Variants in ATRNL1 observed in about 807,000 individuals in gnomAD.
ATRNL1 encodes attractin like 1.
In ATRNL1, 95 loss-of-function variants were observed where a neutral mutation model predicts 182.7. The ratio of observed to expected loss-of-function variants is 0.52; its 90% CI spans 0.44 to 0.62. The LOEUF (loss-of-function observed/expected upper bound fraction) is 0.62, where lower values mean the gene tolerates loss of function less well. ATRNL1 is among the 20% of genes least tolerant of loss of function. The pLI is 0.00. For missense variants in ATRNL1, 1,471 were observed against 1,679.5 expected, an observed-to-expected ratio of 0.88 and a Z score of 2.17; for synonymous variants, 576 against 568.3, an observed-to-expected ratio of 1.01 and a Z score of -0.19.
intron 27 of ATRNL1, among the ~76,000 whole-genome samples, chr10:115,758,635 C>A (rs1386894479): frequency 2.6e-5 from 4 of 152,224 alleles, no homozygotes; most frequent in African/African-American, 4.8e-5. Context: ...GGCAGTCTGT[C>A]CCTTATCAGA....
chr10:115,654,059 C>G (rs1176811822), intron 26 of ATRNL1, among the ~76,000 whole-genome samples: 1 of 152,084 alleles, frequency 6.6e-6, no homozygotes, highest in Non-Finnish European at 1.5e-5. Context: ...ATCCTCAGAA[C>G]TAAATACAAT....
intron 27 of ATRNL1, among the ~76,000 whole-genome samples, chr10:115,812,651 C>T (rs1181122860): frequency 6.6e-6 from 1 of 151,890 alleles, no homozygotes; most frequent in African/African-American, 2.4e-5. Flanking sequence ...TAATTTTTTG[C>T]ATTTTTAGTA....
At chr10:115,220,624 T>C (rs896112323) in intron 9 of ATRNL1, among the ~76,000 whole-genome samples, 3 of 151,384 alleles carry the variant, frequency 2.0e-5, no homozygotes, top group Admixed American at 6.6e-5. Flanking sequence ...TGTTTTTTAC[T>C]CAGTTTGGCT....
intron 5 of ATRNL1, among the ~76,000 whole-genome samples, chr10:115,132,686 G>C (rs1220707112): frequency 6.6e-6 from 1 of 152,090 alleles, no homozygotes; most frequent in Admixed American, 6.6e-5. Flanking sequence ...GGCCAGTGAT[G>C]ATGAGCATTT....
intron 28 of ATRNL1, among the ~76,000 whole-genome samples, chr10:115,902,665 CT>C (rs1952391320): frequency 6.6e-6 from 1 of 152,186 alleles, no homozygotes; most frequent in Non-Finnish European, 1.5e-5. Flanking sequence ...TGTTTTCCCC[CT>C]ATGCTTTCTG....
chr10:115,704,871 C>T (rs1565303399), intron 26 of ATRNL1, among the ~76,000 whole-genome samples: 1 of 151,660 alleles, frequency 6.6e-6, no homozygotes, highest in Non-Finnish European at 1.5e-5. Context: ...CTTCTTCTAT[C>T]TCTTTCTCCT....
intron 27 of ATRNL1, among the ~76,000 whole-genome samples, chr10:115,845,908 ATT>A (rs1348331969): frequency 4.6e-5 from 7 of 151,946 alleles, no homozygotes; most frequent in Admixed American, 4.6e-4. Flanking sequence ...ACCTTTACAT[ATT>A]GTTTGCATTT....
chr10:115,517,362 C>T (rs1451150535), intron 24 of ATRNL1, among the ~76,000 whole-genome samples: 1 of 151,686 alleles, frequency 6.6e-6, no homozygotes, highest in Non-Finnish European at 1.5e-5. Context: ...TTTTAAGTGC[C>T]TATTATATCT....
chr10:115,373,027 G>A (rs1383431166), intron 19 of ATRNL1, among the ~76,000 whole-genome samples: 1 of 151,940 alleles, frequency 6.6e-6, no homozygotes, highest in Non-Finnish European at 1.5e-5. Flanking sequence ...ATTTATTTGT[G>A]TCCTGTTCAA....
intron 5 of ATRNL1, among the ~76,000 whole-genome samples, chr10:115,149,420 C>T (rs1846115508): frequency 6.6e-6 from 1 of 151,992 alleles, no homozygotes; most frequent in Non-Finnish European, 1.5e-5. Flanking sequence ...CCCTTACTAA[C>T]TGCCTGAATA....
chr10:115,360,485 A>T (rs1856691563), intron 19 of ATRNL1, among the ~76,000 whole-genome samples: 1 of 151,672 alleles, frequency 6.6e-6, no homozygotes, highest in Non-Finnish European at 1.5e-5. Context: ...AAAAACTAGG[A>T]ATTCTCTTAA....
At chr10:115,854,025 GC>G (rs1951118754) in intron 28 of ATRNL1, among the ~76,000 whole-genome samples, 2 of 152,186 alleles carry the variant, frequency 1.3e-5, no homozygotes, top group Non-Finnish European at 2.9e-5. Flanking sequence ...TTATATGACA[GC>G]ACTGGATATA....
At chr10:115,898,068 T>G (rs1555112929) in intron 28 of ATRNL1, among the ~76,000 whole-genome samples, 1 of 151,854 alleles carries the variant, frequency 6.6e-6, no homozygotes, top group East Asian at 2.0e-4. Context: ...GCTGGGACTA[T>G]AGGCATGCAC....
intron 16 of ATRNL1, among the ~76,000 whole-genome samples, chr10:115,301,094 A>C (rs535737220): frequency 2.6e-5 from 4 of 152,194 alleles, no homozygotes; most frequent in Non-Finnish European, 5.9e-5. Flanking sequence ...AAGGTTGACC[A>C]ATATTACATT....
chr10:115,219,188 C>T (rs1320714281), intron 9 of ATRNL1, among the ~76,000 whole-genome samples: 2 of 148,896 alleles, frequency 1.3e-5, no homozygotes, highest in Admixed American at 1.3e-4. Context: ...GCTGAGATCG[C>T]GCCACTGCAC....
chr10:115,258,894 A>G (rs576109091), intron 10 of ATRNL1, among the ~76,000 whole-genome samples: 6 of 152,068 alleles, frequency 3.9e-5, no homozygotes, highest in African/African-American at 1.4e-4. Flanking sequence ...AGTCTGTTGG[A>G]GTTTGCTGGA....
intron 24 of ATRNL1, among the ~76,000 whole-genome samples, chr10:115,481,082 GT>G (rs1848742550): frequency 6.7e-6 from 1 of 150,226 alleles, no homozygotes; most frequent in South Asian, 2.1e-4. Context: ...TTTTAATGCG[GT>G]TTTGTTAAAT....
chr10:115,140,110 A>G (rs1429761915), intron 5 of ATRNL1, among the ~76,000 whole-genome samples: 1 of 152,208 alleles, frequency 6.6e-6, no homozygotes, highest in African/African-American at 2.4e-5. Context: ...AGAATTGTAA[A>G]TTGCCTTTAC....
intron 20 of ATRNL1, 35 bp downstream of exon 20, chr10:115,394,787 T>C: frequency 6.8e-7 from 1 of 1,473,416 alleles, no homozygotes; most frequent in Non-Finnish European, 9.3e-7. Context: ...CTTTCGTGGA[T>C]TGAATTTGTG....
Sources: allele counts gnomAD v4.1 joint callset (sites outside exome capture counted in the v4.1 genomes callset), GRCh38; gene constraint gnomAD v4.1.1; transcripts MANE v1.5; gene names NCBI Gene and HGNC (gene_info 2026-07-23, HGNC 2026-07-21).